MTUS2: variants seen among roughly 807,000 people sequenced by gnomAD.
MTUS2 encodes microtubule-associated tumor suppressor candidate 2.
In MTUS2, 40 loss-of-function variants were observed where a neutral mutation model predicts 114.1. That is an observed-to-expected ratio of 0.35 (90% CI 0.27 to 0.46). The LOEUF is 0.46. Among genes scored for constraint, MTUS2 ranks in the 20% least tolerant of loss-of-function variants. MTUS2 has a pLI of 1.00. For synonymous variants in MTUS2, 688 were observed against 672.0 expected, an observed-to-expected ratio of 1.02 and a Z score of -0.37; for missense variants, 1,679 against 1,705.4, an observed-to-expected ratio of 0.98 and a Z score of 0.27.
chr13:29,474,354 C>A (rs574947181), intron 9 of MTUS2, among the ~76,000 whole-genome samples: 1 of 152,248 alleles, frequency 6.6e-6, no homozygotes, highest in East Asian at 1.9e-4. Flanking sequence ...TGAAATTGAA[C>A]TTTTACCAGA....
chr13:29,392,146 CAAA>C (rs56797889), intron 8 of MTUS2, among the ~76,000 whole-genome samples: 26,921 of 137,082 alleles, frequency 0.2, 2,804 homozygotes, highest in Middle Eastern at 0.27. Context: ...AAAAACAAAC[CAAA>C]AAAAAAAAAA....
At chr13:28,920,796 T>C (rs1234186465) in intron 2 of MTUS2, among the ~76,000 whole-genome samples, 4 of 152,208 alleles carry the variant, frequency 2.6e-5, no homozygotes, top group African/African-American at 9.7e-5. Context: ...CCCTTCCCTT[T>C]CCATAGGCAG....
chr13:29,374,935 TAAAA>T (rs1441392025), intron 8 of MTUS2, among the ~76,000 whole-genome samples: 2 of 151,490 alleles, frequency 1.3e-5, no homozygotes, highest in Non-Finnish European at 2.9e-5. Flanking sequence ...TCAAAAAAAA[TAAAA>T]TAAGAAGATG....
chr13:29,337,357 C>G (rs1357452142), intron 7 of MTUS2, among the ~76,000 whole-genome samples: 1 of 152,118 alleles, frequency 6.6e-6, no homozygotes, highest in Non-Finnish European at 1.5e-5. Context: ...ATGCACCATT[C>G]CTCATGGTAC....
intron 8 of MTUS2, among the ~76,000 whole-genome samples, chr13:29,396,190 A>G (rs1298258484): frequency 6.6e-6 from 1 of 152,250 alleles, no homozygotes; most frequent in Non-Finnish European, 1.5e-5. Context: ...CATCTTTATA[A>G]TCATCTTCTA....
At chr13:28,892,571 G>T (rs1203707364) in intron 2 of MTUS2, among the ~76,000 whole-genome samples, 1 of 152,140 alleles carries the variant, frequency 6.6e-6, no homozygotes, top group African/African-American at 2.4e-5. Flanking sequence ...TTTTACTTCA[G>T]ATTGAAGATG....
chr13:29,444,029 G>A (rs1320839853), intron 9 of MTUS2, among the ~76,000 whole-genome samples: 1 of 152,226 alleles, frequency 6.6e-6, no homozygotes, highest in African/African-American at 2.4e-5. Flanking sequence ...TGCTTAAACT[G>A]TTTCATATCC....
At chr13:29,098,645 A>C (rs1015969325) in intron 4 of MTUS2, among the ~76,000 whole-genome samples, 6 of 152,168 alleles carry the variant, frequency 3.9e-5, no homozygotes, top group Non-Finnish European at 8.8e-5. Context: ...CTACTTTTCT[A>C]CTGATGAAAT....
intron 6 of MTUS2, among the ~76,000 whole-genome samples, chr13:29,304,798 T>G (rs912496992): frequency 7.2e-5 from 11 of 152,198 alleles, no homozygotes; most frequent in Admixed American, 3.9e-4. Context: ...TTGATAGGTA[T>G]CTACAGAACT....
chr13:29,185,195 C>A (rs553321674), intron 5 of MTUS2, among the ~76,000 whole-genome samples: 1 of 151,756 alleles, frequency 6.6e-6, no homozygotes, highest in Non-Finnish European at 1.5e-5. Flanking sequence ...AGAAGAATCA[C>A]GTATATTGAA....
At chr13:29,231,758 T>G (rs1162032829) in intron 5 of MTUS2, among the ~76,000 whole-genome samples, 1 of 152,232 alleles carries the variant, frequency 6.6e-6, no homozygotes, top group Non-Finnish European at 1.5e-5. Flanking sequence ...TTATTAAGTT[T>G]TCATCATAAA....
At chr13:28,897,839 G>A (rs1306184748) in intron 2 of MTUS2, among the ~76,000 whole-genome samples, 1 of 147,644 alleles carries the variant, frequency 6.8e-6, no homozygotes, top group South Asian at 2.2e-4. Flanking sequence ...ACTCATAGGT[G>A]GGAATTGAAC....
At chr13:29,296,537 A>G (rs1463799927) in intron 6 of MTUS2, among the ~76,000 whole-genome samples, 1 of 152,038 alleles carries the variant, frequency 6.6e-6, no homozygotes, top group Non-Finnish European at 1.5e-5. Flanking sequence ...ACTGTTTTCC[A>G]TAGTGGCTAT....
At chr13:29,079,710 T>C (rs188773810) in intron 4 of MTUS2, among the ~76,000 whole-genome samples, 4 of 152,274 alleles carry the variant, frequency 2.6e-5, no homozygotes, top group African/African-American at 7.2e-5. Flanking sequence ...ACCACAAATA[T>C]TGGGTTTATT....
At chr13:28,961,797 A>T (rs1344526540) in intron 2 of MTUS2, among the ~76,000 whole-genome samples, 1 of 152,142 alleles carries the variant, frequency 6.6e-6, no homozygotes, top group African/African-American at 2.4e-5. Flanking sequence ...TTTGTTAAAT[A>T]GTCTTCTAGG....
At chr13:29,382,971 G>A (rs903636874) in intron 8 of MTUS2, among the ~76,000 whole-genome samples, 2 of 152,170 alleles carry the variant, frequency 1.3e-5, no homozygotes, top group Admixed American at 6.6e-5. Context: ...ACGAGCAAGA[G>A]AACAGAGTTG....
At chr13:29,395,327 A>G (rs1873828436) in intron 8 of MTUS2, among the ~76,000 whole-genome samples, 2 of 152,146 alleles carry the variant, frequency 1.3e-5, no homozygotes, top group Non-Finnish European at 2.9e-5. Context: ...GCTGCTTTCG[A>G]CCAAGGTGTT....
At chr13:28,946,506 C>G (rs1256537156) in intron 2 of MTUS2, among the ~76,000 whole-genome samples, 1 of 152,166 alleles carries the variant, frequency 6.6e-6, no homozygotes, top group Non-Finnish European at 1.5e-5. Flanking sequence ...CATAAATGCT[C>G]ATCAGATATG....
intron 2 of MTUS2, among the ~76,000 whole-genome samples, chr13:28,974,054 C>A (rs1010583384): frequency 6.6e-6 from 1 of 151,984 alleles, no homozygotes; most frequent in African/African-American, 2.4e-5. Context: ...TATTCTCTCT[C>A]CCAATTTTCT....
Sources: allele counts gnomAD v4.1 joint callset (sites outside exome capture counted in the v4.1 genomes callset), GRCh38; gene constraint gnomAD v4.1.1; transcripts MANE v1.5; gene names NCBI Gene and HGNC (gene_info 2026-07-23, HGNC 2026-07-21).